The following TRAPPC9 variants were observed in gnomAD, a reference collection of about 807,000 sequenced individuals.
The protein encoded by TRAPPC9 is IKK2 binding protein.
Under a neutral mutation model 124.0 loss-of-function variants are expected in TRAPPC9, and 83 were observed. The observed-to-expected ratio is 0.67, with a 90% CI of 0.56 to 0.80. The LOEUF is 0.80. Among genes scored for constraint, TRAPPC9 ranks in the 30% least tolerant of loss-of-function variants. The pLI is 0.00. For synonymous variants in TRAPPC9, 638 were observed against 617.5 expected, an observed-to-expected ratio of 1.03 and a Z score of -0.49; for missense variants, 1,302 against 1,508.3, an observed-to-expected ratio of 0.86 and a Z score of 2.27.
intron 19 of TRAPPC9, among the ~76,000 whole-genome samples, chr8:139,919,469 C>A (rs537358647): frequency 1.1e-4 from 17 of 152,262 alleles, no homozygotes; most frequent in African/African-American, 4.1e-4. Flanking sequence ...GAGCCGTACA[C>A]TTCAAATGGG....
At chr8:139,877,015 T>C (rs1374596018) in intron 21 of TRAPPC9, among the ~76,000 whole-genome samples, 1 of 152,208 alleles carries the variant, frequency 6.6e-6, no homozygotes, top group Non-Finnish European at 1.5e-5. Context: ...TTCCCACATG[T>C]GCAGCCTTCA....
intron 17 of TRAPPC9, among the ~76,000 whole-genome samples, chr8:140,114,486 T>C (rs1440968235): frequency 6.6e-6 from 1 of 152,200 alleles, no homozygotes; most frequent in Non-Finnish European, 1.5e-5. Flanking sequence ...CGACAAAAAT[T>C]TGAATTAAGC....
chr8:139,826,402 C>T (rs918115104), intron 21 of TRAPPC9, among the ~76,000 whole-genome samples: 2 of 152,152 alleles, frequency 1.3e-5, no homozygotes, highest in African/African-American at 2.4e-5. Flanking sequence ...AGGAGCCGGC[C>T]GGGTGAGCCT....
upstream of TRAPPC9, among the ~76,000 whole-genome samples, chr8:140,457,914 G>A (rs1285285192): frequency 2.8e-5 from 4 of 144,792 alleles, 1 homozygote; most frequent in Non-Finnish European, 6.1e-5. Context: ...GGGGACATGG[G>A]GAGGGAGGAG....
At chr8:140,092,523 T>C (rs1650416807) in intron 17 of TRAPPC9, among the ~76,000 whole-genome samples, 2 of 152,104 alleles carry the variant, frequency 1.3e-5, no homozygotes, top group Admixed American at 6.5e-5. Flanking sequence ...CTAAAATATA[T>C]ATCATTTTGT....
chr8:140,443,736 A>G (rs904200602), intron 2 of TRAPPC9, among the ~76,000 whole-genome samples: 1 of 152,108 alleles, frequency 6.6e-6, no homozygotes, highest in Non-Finnish European at 1.5e-5. Context: ...CCCTGTCTCT[A>G]CTAAAAATAC....
At chr8:140,276,707 G>C (rs904755670) in intron 14 of TRAPPC9, among the ~76,000 whole-genome samples, 4 of 152,110 alleles carry the variant, frequency 2.6e-5, no homozygotes, top group Non-Finnish European at 4.4e-5. Context: ...AATGCCAGCA[G>C]ATGACAAATA....
chr8:140,190,301 C>CA (rs1239673910), intron 17 of TRAPPC9, among the ~76,000 whole-genome samples: 1 of 151,922 alleles, frequency 6.6e-6, no homozygotes, highest in Non-Finnish European at 1.5e-5. Context: ...ACTAAAAATA[C>CA]AAAAAAATTA....
intron 7 of TRAPPC9, among the ~76,000 whole-genome samples, chr8:140,376,553 TAAAAAAAAAAAAAAA>T (rs34319639): frequency 2.0e-5 from 1 of 49,722 alleles, no homozygotes; most frequent in Admixed American, 2.6e-4. Flanking sequence ...AGACTCCATC[TAAAAAAAAAAAAAAA>T]AAAAAAAAAA....
chr8:139,769,990 G>A (rs548225640), intron 21 of TRAPPC9, among the ~76,000 whole-genome samples: 3 of 152,342 alleles, frequency 2.0e-5, no homozygotes, highest in East Asian at 1.9e-4. Flanking sequence ...CTGGGGGCAC[G>A]GGGCAGGCAG....
intron 9 of TRAPPC9, among the ~76,000 whole-genome samples, chr8:140,312,040 C>T (rs141497831): frequency 6.6e-6 from 1 of 152,348 alleles, no homozygotes; most frequent in East Asian, 1.9e-4. Context: ...AGGACTCAGG[C>T]TGGCTCAGGA....
At chr8:139,910,790 C>G (rs865855153) in intron 19 of TRAPPC9, among the ~76,000 whole-genome samples, 1 of 152,210 alleles carries the variant, frequency 6.6e-6, no homozygotes, top group Non-Finnish European at 1.5e-5. Context: ...CACAGCCCCC[C>G]CTCAGCTCTC....
At chr8:140,449,462 C>T (rs968757431) in intron 2 of TRAPPC9, among the ~76,000 whole-genome samples, 1 of 152,234 alleles carries the variant, frequency 6.6e-6, no homozygotes, top group Non-Finnish European at 1.5e-5. Context: ...CAAGACACAG[C>T]AGCAAGCAGA....
intron 21 of TRAPPC9, among the ~76,000 whole-genome samples, chr8:139,770,937 G>A (rs146843781): frequency 1.5e-4 from 23 of 152,272 alleles, no homozygotes; most frequent in Middle Eastern, 3.4e-3. Context: ...CTCCTGATGC[G>A]TCTGGGCTTC....
At chr8:140,057,490 G>A (rs1842357407) in intron 17 of TRAPPC9, among the ~76,000 whole-genome samples, 1 of 152,206 alleles carries the variant, frequency 6.6e-6, no homozygotes, top group South Asian at 2.1e-4. Flanking sequence ...TAAATACAAT[G>A]AAATGTTATT....
chr8:140,442,499 G>A (rs2071054683), intron 2 of TRAPPC9, among the ~76,000 whole-genome samples: 1 of 151,712 alleles, frequency 6.6e-6, no homozygotes, highest in Non-Finnish European at 1.5e-5. Flanking sequence ...TCGGGAGGCT[G>A]AGGCAGGAGA....
At chr8:140,197,257 G>A (rs1032363404) in intron 17 of TRAPPC9, among the ~76,000 whole-genome samples, 3 of 152,182 alleles carry the variant, frequency 2.0e-5, no homozygotes, top group African/African-American at 7.2e-5. Flanking sequence ...CAAATAAAGC[G>A]GGAATGAGCT....
chr8:140,140,357 G>T (rs745852445), intron 17 of TRAPPC9, among the ~76,000 whole-genome samples: 3 of 152,164 alleles, frequency 2.0e-5, no homozygotes, highest in South Asian at 2.1e-4. Flanking sequence ...CCGATTAAGT[G>T]AGAAGTTCTA....
intron 19 of TRAPPC9, among the ~76,000 whole-genome samples, chr8:139,953,310 T>C (rs1834768233): frequency 6.6e-6 from 1 of 152,136 alleles, no homozygotes; most frequent in Non-Finnish European, 1.5e-5. Context: ...CTGGTCAACA[T>C]GCTGACACAC....
Sources: gnomAD v4.1 joint callset for allele counts (sites outside exome capture counted in the v4.1 genomes callset) on GRCh38, gnomAD v4.1.1 for gene constraint, MANE v1.5 for transcripts, NCBI Gene and HGNC (gene_info 2026-07-23, HGNC 2026-07-21) for gene names.